The following ROCK1 variants were observed in gnomAD, a reference collection of about 807,000 sequenced individuals.
ROCK1 encodes Rho associated coiled-coil containing protein kinase 1.
In ROCK1, 36 loss-of-function variants were observed where a neutral mutation model predicts 196.8. That is an observed-to-expected ratio of 0.18 (90% confidence interval 0.14 to 0.24). ROCK1 has a LOEUF of 0.24. ROCK1 is among the 10% of genes least tolerant of loss of function. The pLI is 1.00. For missense variants in ROCK1, 920 were observed against 1,562.0 expected, an observed-to-expected ratio of 0.59 and a Z score of 6.93; for synonymous variants, 443 against 515.9, an observed-to-expected ratio of 0.86 and a Z score of 1.91.
chr18:21,092,626 A>C (rs921007028), intron 1 of ROCK1, among the ~76,000 whole-genome samples: 3 of 150,764 alleles, frequency 2.0e-5, no homozygotes, highest in Non-Finnish European at 4.4e-5. Context: ...TCTTTTTAGC[A>C]AGTGTCAGAA....
intron 23 of ROCK1, chr18:20,969,485 T>C (rs556996846): frequency 1.7e-5 from 4 of 241,416 alleles, no homozygotes; most frequent in Non-Finnish European, 1.6e-5. Flanking sequence ...ACTAAGAAAT[T>C]TGTATTTAGT....
intron 16 of ROCK1, among the ~76,000 whole-genome samples, chr18:21,003,486 G>A (rs1218442098): frequency 6.6e-6 from 1 of 151,898 alleles, no homozygotes; most frequent in African/African-American, 2.4e-5. Context: ...TTTGATAATG[G>A]CATTGTAGTT....
intron 27 of ROCK1, among the ~76,000 whole-genome samples, chr18:20,961,669 A>AT: frequency 6.6e-6 from 1 of 151,938 alleles, no homozygotes; most frequent in East Asian, 1.9e-4. Flanking sequence ...TGTGGGAAAT[A>AT]TTTTTTTCCC....
At chr18:21,107,006 G>A (rs1345763909) in intron 1 of ROCK1, among the ~76,000 whole-genome samples, 1 of 152,134 alleles carries the variant, frequency 6.6e-6, no homozygotes, top group African/African-American at 2.4e-5. Context: ...ATATACATAA[G>A]ATACCCTGGG....
chr18:20,977,488 T>C (rs540380170), intron 22 of ROCK1, among the ~76,000 whole-genome samples: 1 of 152,298 alleles, frequency 6.6e-6, no homozygotes, highest in Non-Finnish European at 1.5e-5. Flanking sequence ...TAGGAAATGT[T>C]CTCTGAATCC....
intron 12 of ROCK1, 129 bp downstream of exon 12, chr18:21,020,022 T>A (rs954819969): frequency 8.1e-6 from 4 of 496,856 alleles, no homozygotes; most frequent in African/African-American, 4.0e-5. Context: ...ACATCATGAA[T>A]GTATTATCAG....
intron 9 of ROCK1, among the ~76,000 whole-genome samples, chr18:21,033,391 A>G (rs2036027202): frequency 2.0e-5 from 3 of 152,096 alleles, no homozygotes; most frequent in South Asian, 4.2e-4. Context: ...TCAGCGGTGA[A>G]AGACTAAAAG....
At chr18:21,007,708 G>A (rs1009191180) in intron 14 of ROCK1, among the ~76,000 whole-genome samples, 3 of 152,030 alleles carry the variant, frequency 2.0e-5, no homozygotes, top group Non-Finnish European at 4.4e-5. Flanking sequence ...TACCTAGGGG[G>A]CTTGTAAAGA....
chr18:21,025,997 C>T (rs2035952424), intron 10 of ROCK1, among the ~76,000 whole-genome samples: 1 of 152,140 alleles, frequency 6.6e-6, no homozygotes, highest in Non-Finnish European at 1.5e-5. Context: ...GTTTATTTAA[C>T]TGAAGGTTAC....
At position 21,111,041 on chromosome 18, in the gene ROCK1, G is replaced by A; in HGVS notation, c.-131C>T. ...AACCTCAGGGTCACCAGGTGCGCCC[G>A]GTTCCCCCGTCTTCCCCTCACTGAG... On this transcript the variant is annotated 5_prime_UTR_variant, in exon 1 of 33. Transcript: ENST00000399799. The surrounding 1 kb of genome is among the most constrained non-coding windows in gnomAD (Gnocchi z 4.2). The A allele has an allele frequency of 4.3e-6, 3 of 694,828 alleles. No individual in the cohort carries two copies. Among genetic ancestry groups the A allele is most frequent in the Admixed American group, 2.4e-5 (1 of 40,846 alleles). 43.0% of individuals were successfully genotyped at this position (694,828 alleles called of 1,614,324 possible). A position where few individuals can be genotyped will look rare whatever the true frequency, so the allele number is the denominator to read the frequency against.
chr18:21,031,063 C>T (rs2036001802), intron 9 of ROCK1, among the ~76,000 whole-genome samples: 1 of 152,116 alleles, frequency 6.6e-6, no homozygotes, highest in South Asian at 2.1e-4. Context: ...ACAAGGAATA[C>T]AGATTTTGCA....
intron 4 of ROCK1, among the ~76,000 whole-genome samples, chr18:21,046,375 A>C (rs2036159141): frequency 6.6e-6 from 1 of 152,216 alleles, no homozygotes; most frequent in Non-Finnish European, 1.5e-5. Flanking sequence ...TTGCTTAATA[A>C]AGGCTTAATG....
At chr18:21,074,946 A>C (rs1282668329) in intron 1 of ROCK1, among the ~76,000 whole-genome samples, 2 of 152,180 alleles carry the variant, frequency 1.3e-5, no homozygotes, top group African/African-American at 4.8e-5. Flanking sequence ...TCTAGAGGTG[A>C]AAAGCAACGA....
intron 4 of ROCK1, among the ~76,000 whole-genome samples, chr18:21,046,856 T>C (rs972653805): frequency 6.6e-6 from 1 of 152,182 alleles, no homozygotes; most frequent in African/African-American, 2.4e-5. Flanking sequence ...TGTTTTGATT[T>C]TTTGTTTTTT....
chr18:20,964,080 A>C (rs2035351133), intron 27 of ROCK1, among the ~76,000 whole-genome samples: 1 of 152,162 alleles, frequency 6.6e-6, no homozygotes, highest in African/African-American at 2.4e-5. Context: ...GAATGATGAA[A>C]TATAAGAGAA....
chr18:21,102,931 G>GTT (rs1224998520), intron 1 of ROCK1, among the ~76,000 whole-genome samples: 1 of 151,826 alleles, frequency 6.6e-6, no homozygotes, highest in Non-Finnish European at 1.5e-5. Flanking sequence ...CAAAAATCTG[G>GTT]TATCAGAAGT....
intron 11 of ROCK1, among the ~76,000 whole-genome samples, chr18:21,022,681 C>T (rs762994972): frequency 4.6e-5 from 7 of 152,212 alleles, no homozygotes; most frequent in East Asian, 1.9e-4. Context: ...CTCTGAGCTA[C>T]GATAAGATTT....
At chr18:21,070,446 T>C (rs887054907) in intron 2 of ROCK1, 86 bp downstream of exon 2, 50 of 675,774 alleles carry the variant, frequency 7.4e-5, no homozygotes, top group Non-Finnish European at 1.0e-4. Flanking sequence ...AAAAAGTAAA[T>C]AGAAGAAAAA....
At chr18:20,960,923 A>G (rs2035320762) in intron 27 of ROCK1, among the ~76,000 whole-genome samples, 1 of 152,168 alleles carries the variant, frequency 6.6e-6, no homozygotes, top group African/African-American at 2.4e-5. Flanking sequence ...AGTTTCTGAT[A>G]TCACAATTTG....
Sources: gnomAD v4.1 joint callset for allele counts (sites outside exome capture counted in the v4.1 genomes callset) on GRCh38, gnomAD v4.1.1 for gene constraint, Gnocchi (gnomAD v3.1) non-coding constraint, MANE v1.5 for transcripts, NCBI Gene and HGNC (gene_info 2026-07-23, HGNC 2026-07-21) for gene names.